The following ROBO1 variants were observed in gnomAD, a reference collection of about 807,000 sequenced individuals.
The protein encoded by ROBO1 is roundabout guidance receptor 1.
Under a neutral mutation model 195.9 loss-of-function variants are expected in ROBO1, and 149 were observed. The observed-to-expected ratio is 0.76, with a 90% CI of 0.67 to 0.87. ROBO1 has a LOEUF of 0.87. Ranked by LOEUF, ROBO1 falls within the 40% of genes least tolerant of loss-of-function variation. The pLI is 0.00. For synonymous variants in ROBO1, 816 were observed against 733.2 expected, an observed-to-expected ratio of 1.11 and a Z score of -1.82; for missense variants, 1,933 against 2,068.3, an observed-to-expected ratio of 0.93 and a Z score of 1.27.
At chr3:78,903,256 C>A (rs1025169840) in intron 4 of ROBO1, among the ~76,000 whole-genome samples, 4 of 152,204 alleles carry the variant, frequency 2.6e-5, no homozygotes, top group East Asian at 3.9e-4. Context: ...ACATCCTATA[C>A]TATAAATATT....
chr3:79,018,724 C>A, intron 3 of ROBO1: 3 of 1,254,844 alleles, frequency 2.4e-6, no homozygotes, highest in Non-Finnish European at 3.0e-6. Context: ...TTTCAAGAAC[C>A]ATCCAAAGCG....
intron 17 of ROBO1, 79 bp from the exon 18 acceptor site, chr3:78,657,348 A>G: frequency 7.0e-7 from 1 of 1,436,588 alleles, no homozygotes; most frequent in Non-Finnish European, 9.5e-7. Flanking sequence ...TTGCAGTTTT[A>G]GACCCAGACA....
chr3:78,859,808 C>G (rs559204881), intron 4 of ROBO1, among the ~76,000 whole-genome samples: 12 of 152,270 alleles, frequency 7.9e-5, no homozygotes, highest in African/African-American at 2.9e-4. Flanking sequence ...GGAGCCGGTG[C>G]AGGGGCTCGC....
intron 24 of ROBO1, among the ~76,000 whole-genome samples, chr3:78,633,671 C>T (rs1276823301): frequency 6.6e-6 from 1 of 152,130 alleles, no homozygotes; most frequent in East Asian, 1.9e-4. Flanking sequence ...TAAAGATTAA[C>T]CAGACATGTT....
chr3:79,518,749 C>T (rs868215183), intron 2 of ROBO1, among the ~76,000 whole-genome samples: 3 of 151,822 alleles, frequency 2.0e-5, no homozygotes, highest in Middle Eastern at 3.4e-3. Flanking sequence ...GGTGCGATCT[C>T]GGCTCACTGC....
intron 2 of ROBO1, among the ~76,000 whole-genome samples, chr3:79,455,973 T>C (rs747172332): frequency 6.6e-6 from 1 of 152,112 alleles, no homozygotes; most frequent in Non-Finnish European, 1.5e-5. Flanking sequence ...GTCTTTTCTA[T>C]GTATCCTGTG....
intron 4 of ROBO1, among the ~76,000 whole-genome samples, chr3:78,747,495 T>A (rs953506196): frequency 3.3e-5 from 5 of 152,152 alleles, no homozygotes; most frequent in Non-Finnish European, 7.4e-5. Flanking sequence ...ATTGTGTTTT[T>A]CCATGATTAC....
intron 19 of ROBO1, among the ~76,000 whole-genome samples, chr3:78,650,532 G>A (rs1706580226): frequency 6.6e-6 from 1 of 152,126 alleles, no homozygotes; most frequent in African/African-American, 2.4e-5. Context: ...TACTGTTTTG[G>A]TCTATGCATA....
chr3:78,683,774 A>G (rs2080986734), intron 10 of ROBO1, among the ~76,000 whole-genome samples: 1 of 152,034 alleles, frequency 6.6e-6, no homozygotes, highest in African/African-American at 2.4e-5. Flanking sequence ...CATACACAAA[A>G]ATTAACTCAA....
chr3:79,284,399 G>C (rs1043532846), intron 2 of ROBO1, among the ~76,000 whole-genome samples: 4 of 152,038 alleles, frequency 2.6e-5, no homozygotes, highest in African/African-American at 9.7e-5. Flanking sequence ...GGGTTGATGG[G>C]TGCAGCAAAC....
At chr3:79,473,659 A>G (rs1253877157) in intron 2 of ROBO1, among the ~76,000 whole-genome samples, 1 of 152,166 alleles carries the variant, frequency 6.6e-6, no homozygotes, top group Non-Finnish European at 1.5e-5. Flanking sequence ...AGACAATAAT[A>G]GCATTAACAT....
intron 2 of ROBO1, among the ~76,000 whole-genome samples, chr3:79,386,112 T>C (rs1301192676): frequency 6.6e-6 from 1 of 152,134 alleles, no homozygotes; most frequent in Non-Finnish European, 1.5e-5. Flanking sequence ...TAGTGATAGA[T>C]TTTAACTGAC....
intron 24 of ROBO1, 56 bp from the exon 25 acceptor site, chr3:78,631,361 T>G (rs570716011): frequency 1.1e-5 from 17 of 1,527,002 alleles, no homozygotes; most frequent in Non-Finnish European, 1.4e-5. Context: ...CTTTTTCCAT[T>G]AGTCACAAGT....
intron 2 of ROBO1, among the ~76,000 whole-genome samples, chr3:79,427,745 A>G (rs1245061396): frequency 6.6e-6 from 1 of 152,186 alleles, no homozygotes; most frequent in Admixed American, 6.5e-5. Flanking sequence ...CGTATGCATA[A>G]GAATGAAACT....
At chr3:78,673,215 T>C (rs1159998605) in intron 10 of ROBO1, among the ~76,000 whole-genome samples, 5 of 151,942 alleles carry the variant, frequency 3.3e-5, no homozygotes, top group African/African-American at 1.2e-4. Flanking sequence ...TAAAATGAGA[T>C]ATGGTTAGAT....
At chr3:78,953,680 A>G (rs1166960872) in intron 3 of ROBO1, among the ~76,000 whole-genome samples, 3 of 152,028 alleles carry the variant, frequency 2.0e-5, no homozygotes, top group Admixed American at 6.6e-5. Context: ...ACCTGAGGGG[A>G]AAGTAATTAA....
intron 3 of ROBO1, among the ~76,000 whole-genome samples, chr3:79,081,554 A>G (rs2079275516): frequency 6.6e-6 from 1 of 152,166 alleles, no homozygotes; most frequent in South Asian, 2.1e-4. Context: ...AACAGTTTTA[A>G]TGTGTCCTTT....
chr3:79,222,983 T>C (rs1377197036), intron 2 of ROBO1, among the ~76,000 whole-genome samples: 6 of 152,196 alleles, frequency 3.9e-5, no homozygotes, highest in African/African-American at 1.4e-4. Context: ...GTATAAAGAA[T>C]TTAGTAACCA....
intron 1 of ROBO1, among the ~76,000 whole-genome samples, chr3:79,697,263 T>C (rs1004522949): frequency 9.9e-5 from 15 of 151,510 alleles, no homozygotes; most frequent in Non-Finnish European, 3.0e-5. Context: ...TTCAAAAATA[T>C]TCTTAAAAAA....
Sources: gnomAD v4.1 joint callset for allele counts (sites outside exome capture counted in the v4.1 genomes callset) on GRCh38, gnomAD v4.1.1 for gene constraint, MANE v1.5 for transcripts, NCBI Gene and HGNC (gene_info 2026-07-23, HGNC 2026-07-21) for gene names.